Variants in CERS6 observed in about 807,000 individuals in gnomAD.
CERS6 encodes the protein ceramide synthase 6, also known as LAG1 homolog, ceramide synthase 6.
In CERS6, 26 loss-of-function variants were observed where a neutral mutation model predicts 56.8. That is an observed-to-expected ratio of 0.46 (90% CI 0.34 to 0.63). The LOEUF (loss-of-function observed/expected upper bound fraction) is 0.63, where lower values mean the gene tolerates loss of function less well. CERS6 is among the 30% of genes least tolerant of loss of function. The pLI is 0.01. For synonymous variants in CERS6, 164 were observed against 173.3 expected, an observed-to-expected ratio of 0.95 and a Z score of 0.42; for missense variants, 415 against 467.5, an observed-to-expected ratio of 0.89 and a Z score of 1.04.
chr2:168,537,566 T>A (rs1037313611), intron 1 of CERS6, among the ~76,000 whole-genome samples: 1 of 152,210 alleles, frequency 6.6e-6, no homozygotes, highest in Non-Finnish European at 1.5e-5. Flanking sequence ...TATTATAGAT[T>A]TTCATGTTTT....
intron 8 of CERS6, among the ~76,000 whole-genome samples, chr2:168,726,287 A>G (rs1016650690): frequency 3.9e-5 from 6 of 152,210 alleles, no homozygotes; most frequent in Middle Eastern, 3.2e-3. Context: ...TATCAGTTCA[A>G]TTCAACAGGT....
At chr2:168,633,598 A>T (rs11899759) in intron 4 of CERS6, among the ~76,000 whole-genome samples, 210 of 152,218 alleles carry the variant, frequency 1.4e-3, no homozygotes, top group African/African-American at 4.8e-3. Flanking sequence ...AGCAGGCTTG[A>T]CCTAGCTGAA....
At chr2:168,480,125 C>CCTACTGCTG (rs1694152660) in intron 1 of CERS6, among the ~76,000 whole-genome samples, 1 of 152,154 alleles carries the variant, frequency 6.6e-6, no homozygotes, top group African/African-American at 2.4e-5. Flanking sequence ...TAGGTAGCAG[C>CCTACTGCTG]GACTGGGTTT....
chr2:168,459,354 C>T (rs1339226275), intron 1 of CERS6, among the ~76,000 whole-genome samples: 2 of 152,244 alleles, frequency 1.3e-5, no homozygotes, highest in African/African-American at 4.8e-5. Context: ...CCCAGTTAAA[C>T]AGTCCTTTCT....
intron 3 of CERS6, chr2:168,582,998 C>A (rs1559007859): frequency 6.5e-6 from 1 of 153,942 alleles, no homozygotes; most frequent in East Asian, 1.9e-4. Flanking sequence ...AATTGCCTAA[C>A]ATGTGCCAGA....
intron 4 of CERS6, among the ~76,000 whole-genome samples, chr2:168,632,836 G>A (rs1684778280): frequency 6.6e-6 from 1 of 152,026 alleles, no homozygotes; most frequent in Non-Finnish European, 1.5e-5. Flanking sequence ...TTGGTGAGGG[G>A]CTTTGTTGGT....
intron 1 of CERS6, among the ~76,000 whole-genome samples, chr2:168,470,304 G>A (rs755663530): frequency 4.0e-5 from 6 of 151,822 alleles, no homozygotes; most frequent in Non-Finnish European, 8.8e-5. Flanking sequence ...GATCGCTTGA[G>A]CTCAGGAGGT....
chr2:168,593,193 G>A (rs897428325), intron 3 of CERS6, among the ~76,000 whole-genome samples: 2 of 152,056 alleles, frequency 1.3e-5, no homozygotes, highest in Non-Finnish European at 2.9e-5. Flanking sequence ...CCGAAACATC[G>A]GGATAATATC....
Position 168,456,350 on chromosome 2 carries a change from A to T in CERS6, c.-99A>T, listed in dbSNP as rs914498669. ...GGGCGGGAGCAGCGGCGGCGGCGGC[A>T]CAGGCTCGGGGCCAGCCGGGCGCGC... On this transcript the variant is annotated 5_prime_UTR_variant, in exon 1 of 10. Coordinates refer to ENST00000305747, the MANE Select transcript of CERS6 (RefSeq NM_203463.3). This position sits in a 1 kb window ranked among gnomAD's most constrained non-coding sequence, Gnocchi z 4.1. 25 of 866,558 alleles carry T rather than the reference A, an allele frequency of 2.9e-5. No individual in the cohort carries two copies. The highest frequency in any genetic ancestry group is 4.0e-4 in the Middle Eastern group (1 of 2,484). The allele number at this position is 866,558 out of a possible 1,614,324, so 53.7% of individuals were successfully genotyped here.
chr2:168,477,199 GA>G (rs1694091144), intron 1 of CERS6, among the ~76,000 whole-genome samples: 1 of 150,846 alleles, frequency 6.6e-6, no homozygotes, highest in Non-Finnish European at 1.5e-5. Context: ...GAGAGAGAGA[GA>G]GAGAGAGAGA....
At chr2:168,585,332 A>G (rs1574081734) in intron 3 of CERS6, among the ~76,000 whole-genome samples, 1 of 152,268 alleles carries the variant, frequency 6.6e-6, no homozygotes, top group East Asian at 1.9e-4. Flanking sequence ...CAATAGGTGC[A>G]GGAGACAGTG....
chr2:168,621,996 A>G (rs1382933663), intron 3 of CERS6, among the ~76,000 whole-genome samples: 2 of 152,260 alleles, frequency 1.3e-5, no homozygotes, highest in African/African-American at 4.8e-5. Flanking sequence ...CTGAGTGAGC[A>G]TAATTCTTGT....
rs180875597 is a variant in CERS6, at chr2:168,754,591, A to G, written c.846-11001A>G. 9.2e-5 allele frequency among the ~76,000 whole-genome samples: 14 copies of G among 152,258 alleles called. No individual in the cohort carries two copies. In the East Asian group the frequency reaches 2.5e-3, roughly 27 times the overall value. On this transcript the variant is annotated intron_variant, in intron 8 of 9. Coordinates refer to ENST00000305747, the MANE Select transcript of CERS6 (RefSeq NM_203463.3). ...AAGATGGGTGGAATTTGATCCCTGA[A>G]GAGTTAAATACTGGGATTCTACCAG...
At chr2:168,632,654 T>G (rs1422524437) in intron 4 of CERS6, among the ~76,000 whole-genome samples, 2 of 152,172 alleles carry the variant, frequency 1.3e-5, no homozygotes, top group Non-Finnish European at 2.9e-5. Context: ...GTTTTCAGAT[T>G]TACTTATCTA....
chr2:168,671,660 A>G (rs1355378958), intron 4 of CERS6, among the ~76,000 whole-genome samples: 1 of 152,206 alleles, frequency 6.6e-6, no homozygotes, highest in Non-Finnish European at 1.5e-5. Context: ...ATATAATACA[A>G]TCCTATTATA....
At chr2:168,759,447 T>A (rs1461499837) in intron 8 of CERS6, among the ~76,000 whole-genome samples, 3 of 152,108 alleles carry the variant, frequency 2.0e-5, no homozygotes, top group African/African-American at 7.2e-5. Flanking sequence ...AAAAGAAAAA[T>A]GGTCTCAGGT....
At chr2:168,668,674 G>A (rs1021664494) in intron 4 of CERS6, among the ~76,000 whole-genome samples, 1 of 151,902 alleles carries the variant, frequency 6.6e-6, no homozygotes. Flanking sequence ...GGCTGGTCCC[G>A]AACTCCTGAC....
intron 8 of CERS6, among the ~76,000 whole-genome samples, chr2:168,764,592 A>G (rs1684677941): frequency 6.6e-6 from 1 of 152,096 alleles, no homozygotes; most frequent in Non-Finnish European, 1.5e-5. Flanking sequence ...TACTAGATAT[A>G]AGCCTAGGTC....
At chr2:168,681,463 G>T (rs1278022475) in intron 4 of CERS6, among the ~76,000 whole-genome samples, 1 of 152,098 alleles carries the variant, frequency 6.6e-6, no homozygotes, top group Non-Finnish European at 1.5e-5. Context: ...TATAAATATA[G>T]AGCAAATTGG....
Sources: allele counts gnomAD v4.1 joint callset (sites outside exome capture counted in the v4.1 genomes callset), GRCh38; gene constraint gnomAD v4.1.1; non-coding constraint Gnocchi (gnomAD v3.1); transcripts MANE v1.5; gene names NCBI Gene and HGNC (gene_info 2026-07-23, HGNC 2026-07-21).